TTLL7: variants seen among roughly 807,000 people sequenced by gnomAD.
TTLL7 encodes the protein tubulin tyrosine ligase like 7, also known as tubulin polyglutamylase TTLL7.
A neutral mutation model predicts 120.2 loss-of-function variants in TTLL7; 53 were observed. The observed-to-expected ratio is 0.44, with a 90% confidence interval of 0.35 to 0.55. The LOEUF (loss-of-function observed/expected upper bound fraction) is 0.55, where lower values mean the gene tolerates loss of function less well. Among genes scored for constraint, TTLL7 ranks in the 20% least tolerant of loss-of-function variants. The pLI is 0.00. For missense variants in TTLL7, 803 were observed against 1,054.7 expected (o/e 0.76, Z 3.31); for synonymous variants, 353 against 351.7 (o/e 1.00, Z -0.04).
intron 6 of TTLL7, chr1:83,946,339 C>A (rs1047465610): frequency 6.6e-6 from 1 of 152,180 alleles, no homozygotes; most frequent in African/African-American, 2.4e-5. Context: ...GTGTGAGCCA[C>A]CACGCCCGGC....
chr1:83,963,175 C>T (rs1039855524), intron 1 of TTLL7, among the ~76,000 whole-genome samples: 6 of 152,114 alleles, frequency 3.9e-5, no homozygotes, highest in African/African-American at 1.4e-4. Flanking sequence ...TCCAAGGATG[C>T]GTACATGACT....
intron 13 of TTLL7, among the ~76,000 whole-genome samples, chr1:83,918,530 T>A (rs986714344): frequency 3.3e-5 from 5 of 152,144 alleles, no homozygotes; most frequent in Admixed American, 1.3e-4. Context: ...CTAAGGAAAT[T>A]TAGCTATTGA....
chr1:83,990,455 G>A (rs546748645), intron 1 of TTLL7, among the ~76,000 whole-genome samples: 14 of 152,184 alleles, frequency 9.2e-5, no homozygotes, highest in Non-Finnish European at 1.6e-4. Context: ...GATTACAGGC[G>A]TGAGCCACCG....
At chr1:83,984,514 GAAATCAAC>G (rs1652268737) in intron 1 of TTLL7, among the ~76,000 whole-genome samples, 5 of 152,198 alleles carry the variant, frequency 3.3e-5, no homozygotes, top group Non-Finnish European at 7.3e-5. Flanking sequence ...GCAAAGACAT[GAAATCAAC>G]CGAGGTGCCC....
At chr1:83,925,831 T>C (rs1390297290) in intron 10 of TTLL7, among the ~76,000 whole-genome samples, 1 of 152,062 alleles carries the variant, frequency 6.6e-6, no homozygotes, top group African/African-American at 2.4e-5. Context: ...TCTTTAAAAA[T>C]GTCCAGTAGG....
intron 7 of TTLL7, among the ~76,000 whole-genome samples, chr1:83,940,716 GTCCT>G (rs1647873380): frequency 6.6e-6 from 1 of 151,938 alleles, no homozygotes; most frequent in Non-Finnish European, 1.5e-5. Flanking sequence ...TTCAATTTAA[GTCCT>G]TTTTCCTTCC....
Position 83,896,045 on chromosome 1 carries a change from C to A in TTLL7, c.2209-5564G>T, listed in dbSNP as rs533029456. Reference sequence around the variant, plus strand: ...CAGACCAGGCAGGCAAGAAATCAGACTGGAATGAGATAAATTAGTGCTAGT... The same window carrying A: ...CAGACCAGGCAGGCAAGAAATCAGAATGGAATGAGATAAATTAGTGCTAGT... On this transcript the variant is annotated intron_variant, in intron 18 of 20. Coordinates refer to ENST00000260505, the MANE Select transcript of TTLL7 (RefSeq NM_024686.6). Among the ~76,000 whole-genome samples, 26 of 152,156 alleles carry A rather than the reference C, an allele frequency of 1.7e-4. No individual in the cohort carries two copies. In the South Asian group the frequency reaches 5.4e-3, roughly 32 times the overall value.
At chr1:83,887,807 A>G (rs2100720026) in intron 19 of TTLL7, among the ~76,000 whole-genome samples, 1 of 143,152 alleles carries the variant, frequency 7.0e-6, no homozygotes, top group East Asian at 2.0e-4. Flanking sequence ...TAAATTATAT[A>G]CTCTGTTTAT....
chr1:83,886,000 C>A (rs1654943486), intron 19 of TTLL7, among the ~76,000 whole-genome samples: 1 of 152,024 alleles, frequency 6.6e-6, no homozygotes, highest in Admixed American at 6.6e-5. Context: ...TTCTGGCTCT[C>A]CCTAATCCTC....
intron 9 of TTLL7, among the ~76,000 whole-genome samples, chr1:83,932,514 T>A (rs1191108430): frequency 6.6e-6 from 1 of 152,026 alleles, no homozygotes; most frequent in African/African-American, 2.4e-5. Flanking sequence ...TGCATTTCCT[T>A]GGAGACACAA....
At chr1:83,892,561 TATGAACATATATATGAACATATAA>T (rs1655713478) in intron 18 of TTLL7, among the ~76,000 whole-genome samples, 1 of 107,280 alleles carries the variant, frequency 9.3e-6, no homozygotes, top group African/African-American at 3.2e-5. Context: ...TATATGAACA[TATGAACATATATATGAACATATAA>T]ATGAACATAT....
intron 1 of TTLL7, among the ~76,000 whole-genome samples, chr1:83,992,058 A>G (rs1268824750): frequency 6.6e-6 from 1 of 152,196 alleles, no homozygotes; most frequent in Non-Finnish European, 1.5e-5. Context: ...TACTCAAGAT[A>G]AATGTTTAAA....
intron 5 of TTLL7, 133 bp from the exon 6 acceptor site, chr1:83,947,415 T>TTC: frequency 1.2e-6 from 1 of 802,850 alleles, no homozygotes; most frequent in South Asian, 1.9e-5. Context: ...ATTGATTTCA[T>TTC]TCATTCAACA....
intron 9 of TTLL7, among the ~76,000 whole-genome samples, 179 bp downstream of exon 9, chr1:83,933,429 G>A (rs995175960): frequency 1.1e-4 from 17 of 152,154 alleles, no homozygotes; most frequent in African/African-American, 3.6e-4. Flanking sequence ...CAAACACTGT[G>A]ATTCATTCTT....
At chr1:83,992,358 T>C (rs957209341) in intron 1 of TTLL7, among the ~76,000 whole-genome samples, 1 of 152,076 alleles carries the variant, frequency 6.6e-6, no homozygotes, top group Non-Finnish European at 1.5e-5. Context: ...GGGAAGCTGA[T>C]GTAAACTGGA....
At chr1:83,945,460 T>C (rs1033014224) in intron 6 of TTLL7, among the ~76,000 whole-genome samples, 1 of 152,162 alleles carries the variant, frequency 6.6e-6, no homozygotes, top group Non-Finnish European at 1.5e-5. Context: ...CCAAAATACA[T>C]GAAGCAAACA....
Position 83,900,576 on chromosome 1 carries a change from C to T in TTLL7, c.2208+3503G>A, listed in dbSNP as rs146219108. On this transcript the variant is annotated intron_variant, in intron 18 of 20. Coordinates refer to ENST00000260505, the MANE Select transcript of TTLL7 (RefSeq NM_024686.6). Reference sequence around the variant, plus strand: ...TCCTGGGGTCAGGGAGAGACACTCTCTGCCTCTTTCCCTTATTCCTACCTC... The same window carrying T: ...TCCTGGGGTCAGGGAGAGACACTCTTTGCCTCTTTCCCTTATTCCTACCTC... 7.2e-3 allele frequency among the ~76,000 whole-genome samples: 1,093 copies of T among 151,990 alleles called. 20 individuals carry two copies. Among genetic ancestry groups the T allele is most frequent in the African/African-American group, 0.025 (1,046 of 41,498 alleles).
Position 83,913,798 on chromosome 1 carries a change from C to T in TTLL7, c.1588-2435G>A, listed in dbSNP as rs116726108. On this transcript the variant is annotated intron_variant, in intron 14 of 20. Transcript: ENST00000260505. ...AATCAGACAAAGTGAATTCTTCTTC[C>T]TCCCAAGAGGTTATAGTTTTGTTTG... 2.6e-3 allele frequency among the ~76,000 whole-genome samples: 339 copies of T among 129,758 alleles called. 1 individual carries two copies. Among genetic ancestry groups the T allele is most frequent in the African/African-American group, 8.2e-3 (325 of 39,600 alleles). 85.1% of individuals were successfully genotyped at this position (129,758 alleles called of 152,430 possible). A position where few individuals can be genotyped will look rare whatever the true frequency, so the allele number is the denominator to read the frequency against.
At chr1:83,911,049 T>G (rs1657632971) in intron 15 of TTLL7, 116 bp downstream of exon 15, 5 of 791,958 alleles carry the variant, frequency 6.3e-6, no homozygotes, top group Middle Eastern at 7.8e-4. Flanking sequence ...TGGGATGGAA[T>G]CCAGGTCTCC....
Sources: allele counts gnomAD v4.1 joint callset (sites outside exome capture counted in the v4.1 genomes callset), GRCh38; gene constraint gnomAD v4.1.1; transcripts MANE v1.5; gene names NCBI Gene and HGNC (gene_info 2026-07-23, HGNC 2026-07-21).